The following TRIM24 variants were observed in gnomAD, a reference collection of about 807,000 sequenced individuals.
TRIM24 encodes tripartite motif containing 24.
Under a neutral mutation model 123.9 loss-of-function variants are expected in TRIM24, and 29 were observed. The ratio of observed to expected loss-of-function variants is 0.23; its 90% CI spans 0.17 to 0.32. The LOEUF (loss-of-function observed/expected upper bound fraction) is 0.32. Among genes scored for constraint, TRIM24 ranks in the 10% least tolerant of loss-of-function variants. The pLI is 1.00. For synonymous variants in TRIM24, 456 were observed against 461.1 expected, an observed-to-expected ratio of 0.99 and a Z score of 0.14; for missense variants, 932 against 1,295.3, an observed-to-expected ratio of 0.72 and a Z score of 4.31.
chr7:138,493,525 C>G (rs1198622199), intron 1 of TRIM24, among the ~76,000 whole-genome samples: 2 of 152,170 alleles, frequency 1.3e-5, no homozygotes, highest in Non-Finnish European at 2.9e-5. Context: ...CTTGCAGCCT[C>G]TCATATTTTA....
At chr7:138,499,290 T>A (rs1795979618) in intron 1 of TRIM24, among the ~76,000 whole-genome samples, 1 of 152,216 alleles carries the variant, frequency 6.6e-6, no homozygotes, top group Non-Finnish European at 1.5e-5. Context: ...TTATGAAGGA[T>A]GTTCACTGTG....
At chr7:138,578,540 G>T (rs1209759474) in intron 14 of TRIM24, among the ~76,000 whole-genome samples, 1 of 132,454 alleles carries the variant, frequency 7.5e-6, no homozygotes, top group African/African-American at 2.7e-5. Context: ...TTTTGTGTGT[G>T]TGTGTGTGTG....
At chr7:138,563,063 A>T (rs1199342742) in intron 9 of TRIM24, among the ~76,000 whole-genome samples, 1 of 152,138 alleles carries the variant, frequency 6.6e-6, no homozygotes, top group Non-Finnish European at 1.5e-5. Context: ...TAGTTTTTGG[A>T]TAGTGGTCCT....
intron 7 of TRIM24, among the ~76,000 whole-genome samples, chr7:138,546,456 T>G (rs1454185118): frequency 1.3e-5 from 2 of 152,230 alleles, no homozygotes; most frequent in African/African-American, 4.8e-5. Flanking sequence ...GTGTTTAAAC[T>G]GGATGGCTGT....
At position 138,461,108 on chromosome 7, in the gene TRIM24, C is replaced by A. The variant is rs567847889; in HGVS notation, c.364+196C>A. 2.4e-4 allele frequency: 172 copies of A among 720,738 alleles called. No homozygotes were observed. The African/African-American group carries it at 2.8e-3, about 12-fold the overall frequency. The allele number at this position is 720,738 out of a possible 1,614,324, so 44.6% of individuals were successfully genotyped here. Reference sequence around the variant, plus strand: ...GCGGCGTGTCGCGCTCGGCCAGCAACTTCCCCGGGCGCTGTGGACTTGACC... The same window carrying A: ...GCGGCGTGTCGCGCTCGGCCAGCAAATTCCCCGGGCGCTGTGGACTTGACC... On this transcript the variant is annotated intron_variant, in intron 1 of 18. Transcript: ENST00000343526.
In TRIM24 at chr7:138,570,856, C is replaced by T. The variant is rs762762872; in HGVS notation, c.1731C>T (p.Thr577=). The change falls in exon 11 of 19, where the codon ACC becomes ACT. Residue 577 remains threonine, a synonymous_variant. Coordinates refer to ENST00000343526, the MANE Select transcript of TRIM24 (RefSeq NM_015905.3). ...GGCAGATCAGCAGTGGACAGGGAACCCCATCAACTACCAACAGCACATCCT... is the reference window on the plus strand; with the variant it reads ...GGCAGATCAGCAGTGGACAGGGAACTCCATCAACTACCAACAGCACATCCT... ...KQWQISSGQG[T]PSTTNSTSST... The T allele has an allele frequency of 6.2e-6, 10 of 1,613,860 alleles. No homozygotes were observed. The highest frequency in any genetic ancestry group is 2.7e-5 in the African/African-American group (2 of 74,882).
At chr7:138,584,629 CTATTATTTCA>C (rs2116699256) in intron 18 of TRIM24, 103 bp from the exon 19 acceptor site, 1 of 819,330 alleles carries the variant, frequency 1.2e-6, no homozygotes, top group East Asian at 2.7e-5. Flanking sequence ...TAGTCCTAAA[CTATTATTTCA>C]ATGACTATGC....
rs1476142908 is a variant in TRIM24, at chr7:138,589,130, A to G, written c.*4179A>G. 3 of 147,894 alleles carry G rather than the reference A, an allele frequency of 2.0e-5. No homozygotes were observed. The highest frequency in any genetic ancestry group is 7.0e-5 in the Admixed American group (1 of 14,328). The allele number at this position is 147,894 out of a possible 1,614,324, so 9.2% of individuals were successfully genotyped here. The stretch of plus-strand genomic sequence containing the variant: ...GTATTTTATAGCCCTATGTAAATTA[A>G]TAGTTGATGTCTTTTTATAAATGTT... On this transcript the variant is annotated 3_prime_UTR_variant, in exon 19 of 19. Transcript: ENST00000343526.
intron 4 of TRIM24, among the ~76,000 whole-genome samples, chr7:138,521,886 G>C (rs770476332): frequency 5.9e-5 from 9 of 152,118 alleles, no homozygotes; most frequent in Non-Finnish European, 1.3e-4. Context: ...AATTTATACA[G>C]GTTATAAACT....
chr7:138,508,724 T>TGTGTGTGTGTGC (rs1554436742), intron 2 of TRIM24, among the ~76,000 whole-genome samples: 27 of 148,816 alleles, frequency 1.8e-4, no homozygotes, highest in South Asian at 1.7e-3. Context: ...TGTGTGCGTG[T>TGTGTGTGTGTGC]GTGTGTGTGT....
chr7:138,530,764 G>GC (rs1330372090), intron 6 of TRIM24, among the ~76,000 whole-genome samples: 3 of 151,614 alleles, frequency 2.0e-5, no homozygotes, highest in Non-Finnish European at 4.4e-5. Flanking sequence ...TACCCACCTT[G>GC]CCCCCCCTTT....
At chr7:138,553,220 AAAG>A (rs1368943267) in intron 8 of TRIM24, among the ~76,000 whole-genome samples, 1 of 152,166 alleles carries the variant, frequency 6.6e-6, no homozygotes, top group East Asian at 1.9e-4. Context: ...GTAAATCTCT[AAAG>A]AAGGAGACAA....
At chr7:138,531,144 C>CT (rs1171172927) in intron 6 of TRIM24, among the ~76,000 whole-genome samples, 53 of 140,750 alleles carry the variant, frequency 3.8e-4, no homozygotes, top group African/African-American at 1.4e-3. Context: ...TATTATTATA[C>CT]TTTAAGTTCT....
intron 9 of TRIM24, among the ~76,000 whole-genome samples, chr7:138,559,326 T>C (rs78865730): frequency 6.6e-5 from 10 of 152,210 alleles, no homozygotes; most frequent in African/African-American, 2.4e-4. Context: ...TTTCTGACAC[T>C]GGTATGAGGA....
In TRIM24 at chr7:138,490,733, A is replaced by G. The variant is rs1253403785; in HGVS notation, c.365-13557A>G. 16 of 484,634 alleles carry G rather than the reference A, an allele frequency of 3.3e-5. No individual in the cohort carries two copies. In the East Asian group the frequency reaches 7.3e-4, roughly 22 times the overall value. 30.0% of individuals were successfully genotyped at this position (484,634 alleles called of 1,614,324 possible). On this transcript the variant is annotated intron_variant, in intron 1 of 18. Coordinates refer to ENST00000343526, the MANE Select transcript of TRIM24 (RefSeq NM_015905.3). Reference sequence around the variant, plus strand: ...GCTTCTTCAGCATTTTTACTTTTCTACTGAAAACATCATGGAGAGGAGAAA... The same window carrying G: ...GCTTCTTCAGCATTTTTACTTTTCTGCTGAAAACATCATGGAGAGGAGAAA...
rs1797283428 is a variant in TRIM24, at chr7:138,554,849, G to A, written c.1413G>A (p.Gln471=). The A allele has an allele frequency of 6.2e-7, 1 of 1,614,146 alleles. No homozygotes were observed. Among genetic ancestry groups the A allele is most frequent in the African/African-American group, 1.3e-5 (1 of 75,038 alleles). ...TQISLAQLRL[Q]HMQQQVMAQR... is the part of the protein sequence containing the mutation. ...TCAGCCTAGCTCAATTACGGCTCCA[G>A]CATATGCAGCAACAGGTAATGGCTC... The change falls in exon 9 of 19, where the codon CAG becomes CAA. Residue 471 remains glutamine, a synonymous_variant. Transcript: ENST00000343526. This position sits in a 1 kb window ranked among gnomAD's most constrained non-coding sequence, Gnocchi z 4.5.
At chr7:138,491,075 A>C (rs763024932) in intron 1 of TRIM24, 14 of 250,346 alleles carry the variant, frequency 5.6e-5, no homozygotes, top group Non-Finnish European at 1.1e-4. Context: ...ATGCCATGGA[A>C]GTTAAGTCAG....
intron 4 of TRIM24, among the ~76,000 whole-genome samples, chr7:138,523,525 G>A (rs184015674): frequency 2.0e-5 from 3 of 152,290 alleles, no homozygotes; most frequent in Admixed American, 2.0e-4. Context: ...GGAGGCCGAG[G>A]CGGGCGGATC....
At chr7:138,576,519 T>G (rs915039943) in intron 13 of TRIM24, 74 bp downstream of exon 13, 3 of 1,283,086 alleles carry the variant, frequency 2.3e-6, no homozygotes, top group African/African-American at 3.0e-5. Context: ...GTTCAACATG[T>G]TTTGATACTC....
Sources: gnomAD v4.1 joint callset for allele counts (sites outside exome capture counted in the v4.1 genomes callset) on GRCh38, gnomAD v4.1.1 for gene constraint, Gnocchi (gnomAD v3.1) non-coding constraint, MANE v1.5 for transcripts, NCBI Gene and HGNC (gene_info 2026-07-23, HGNC 2026-07-21) for gene names.